The following NUMB variants were observed in gnomAD, a reference collection of about 807,000 sequenced individuals.
NUMB encodes NUMB endocytic adaptor protein.
NUMB carries 29 observed loss-of-function variants against 59.7 expected under a neutral mutation model. The ratio of observed to expected loss-of-function variants is 0.49; its 90% CI spans 0.36 to 0.66. NUMB has a LOEUF of 0.66. NUMB is among the 30% of genes least tolerant of loss of function. NUMB has a pLI of 0.00. For missense variants in NUMB, 723 were observed against 822.0 expected (o/e 0.88, Z 1.47); for synonymous variants, 288 against 288.2 (o/e 1.00, Z 0.01).
intron 9 of NUMB, among the ~76,000 whole-genome samples, chr14:73,285,955 A>G (rs1888966661): frequency 6.6e-6 from 1 of 151,446 alleles, no homozygotes; most frequent in African/African-American, 2.4e-5. Context: ...AAATCAAACC[A>G]AAACAACAAC....
intron 2 of NUMB, among the ~76,000 whole-genome samples, chr14:73,406,923 C>T (rs1037758006): frequency 1.3e-5 from 2 of 152,100 alleles, no homozygotes; most frequent in Non-Finnish European, 2.9e-5. Flanking sequence ...TATCCTTCGC[C>T]CACTTTTTGA....
At chr14:73,393,971 A>G (rs1478674702) in intron 2 of NUMB, among the ~76,000 whole-genome samples, 1 of 152,198 alleles carries the variant, frequency 6.6e-6, no homozygotes, top group African/African-American at 2.4e-5. Context: ...AATAAAAATT[A>G]TTATTCTTTT....
intron 2 of NUMB, among the ~76,000 whole-genome samples, chr14:73,400,540 G>C (rs1000351142): frequency 1.8e-4 from 28 of 152,152 alleles, no homozygotes; most frequent in African/African-American, 6.8e-4. Flanking sequence ...CACCTCTGGA[G>C]TGATGAGTAT....
chr14:73,293,603 G>C (rs527304111), intron 7 of NUMB, among the ~76,000 whole-genome samples: 14 of 152,210 alleles, frequency 9.2e-5, no homozygotes, highest in Admixed American at 5.9e-4. Context: ...GTGTTAGCCA[G>C]GACGGTCTCA....
At chr14:73,324,614 G>GC (rs900685980) in intron 4 of NUMB, among the ~76,000 whole-genome samples, 4 of 147,408 alleles carry the variant, frequency 2.7e-5, no homozygotes, top group African/African-American at 7.5e-5. Flanking sequence ...AACTAACAAA[G>GC]TTTTTTTTTT....
At chr14:73,445,575 A>G (rs889952364) in intron 1 of NUMB, among the ~76,000 whole-genome samples, 4 of 152,092 alleles carry the variant, frequency 2.6e-5, no homozygotes, top group African/African-American at 9.7e-5. Context: ...CAAATAACAC[A>G]GAGAAAGTTT....
chr14:73,431,349 G>A (rs779943642), intron 1 of NUMB, among the ~76,000 whole-genome samples: 8 of 149,418 alleles, frequency 5.4e-5, no homozygotes, highest in African/African-American at 1.2e-4. Flanking sequence ...TCTGCCTCCC[G>A]CATTCAAGCA....
At chr14:73,308,324 T>G (rs1890579584) in intron 6 of NUMB, among the ~76,000 whole-genome samples, 1 of 152,110 alleles carries the variant, frequency 6.6e-6, no homozygotes, top group Non-Finnish European at 1.5e-5. Context: ...AGAGATGCTG[T>G]ATATTGAGAC....
intron 6 of NUMB, among the ~76,000 whole-genome samples, chr14:73,306,738 T>C (rs1164947354): frequency 6.6e-6 from 1 of 152,228 alleles, no homozygotes. Flanking sequence ...GGAGCACCTG[T>C]TACTGTCACA....
At chr14:73,445,840 G>T (rs1307039227) in intron 1 of NUMB, among the ~76,000 whole-genome samples, 1 of 152,080 alleles carries the variant, frequency 6.6e-6, no homozygotes, top group East Asian at 1.9e-4. Flanking sequence ...CCTCCTATTA[G>T]TTCACGTCAT....
chr14:73,413,450 G>A (rs1210628321), intron 1 of NUMB, among the ~76,000 whole-genome samples: 1 of 151,654 alleles, frequency 6.6e-6, no homozygotes, highest in Non-Finnish European at 1.5e-5. Context: ...TGCTTCTAAT[G>A]ATTTGATTCT....
At chr14:73,382,482 T>A (rs769443019) in intron 2 of NUMB, among the ~76,000 whole-genome samples, 3 of 150,384 alleles carry the variant, frequency 2.0e-5, no homozygotes, top group Non-Finnish European at 4.4e-5. Context: ...CTTTAGGTAG[T>A]CTCACAGAAA....
chr14:73,287,316 T>TG lies in NUMB; in HGVS notation c.451-3dup. On this transcript the variant is annotated splice_region_variant and splice_polypyrimidine_tract_variant and intron_variant, in intron 8 of 12. Coordinates refer to ENST00000555238, the MANE Select transcript of NUMB (RefSeq NM_001005743.2). ...TACTGCATGGCTCAACCTTTCACCC[T>TG]GTAAGAGCAGATTTTAAAAGCTTTT... The TG allele has an allele frequency of 4.4e-6, 7 of 1,605,394 alleles. No homozygotes were observed. Among genetic ancestry groups the TG allele is most frequent in the Non-Finnish European group, 6.0e-6 (7 of 1,174,192 alleles).
chr14:73,425,530 C>G (rs918955257), intron 1 of NUMB, among the ~76,000 whole-genome samples: 2 of 152,006 alleles, frequency 1.3e-5, no homozygotes, highest in African/African-American at 4.8e-5. Context: ...AAATGTCTCA[C>G]CCAAGTGCCT....
chr14:73,355,392 A>G (rs571317642), intron 4 of NUMB, among the ~76,000 whole-genome samples: 1 of 152,332 alleles, frequency 6.6e-6, no homozygotes, highest in Non-Finnish European at 1.5e-5. Flanking sequence ...CTGACTCCAC[A>G]TTATATAGAG....
At chr14:73,279,614 T>G (rs1221778332) in intron 11 of NUMB, among the ~76,000 whole-genome samples, 190 bp from the exon 12 acceptor site, 1 of 152,220 alleles carries the variant, frequency 6.6e-6, no homozygotes, top group African/African-American at 2.4e-5. Context: ...CAATCAGAGA[T>G]TGTAATTTTT....
At chr14:73,331,705 T>C (rs1205495467) in intron 4 of NUMB, among the ~76,000 whole-genome samples, 1 of 152,210 alleles carries the variant, frequency 6.6e-6, no homozygotes, top group East Asian at 1.9e-4. Flanking sequence ...CATGCTGTTC[T>C]TGGGATAATC....
chr14:73,341,618 G>A (rs1414457645), intron 4 of NUMB, among the ~76,000 whole-genome samples: 1 of 152,072 alleles, frequency 6.6e-6, no homozygotes, highest in African/African-American at 2.4e-5. Context: ...AGTACAGGTA[G>A]GATCACAGAC....
intron 4 of NUMB, among the ~76,000 whole-genome samples, chr14:73,323,864 G>A (rs1301702166): frequency 6.6e-6 from 1 of 152,142 alleles, no homozygotes; most frequent in East Asian, 1.9e-4. Context: ...GTGTGGAATA[G>A]GATAACTATG....
Sources: allele counts gnomAD v4.1 joint callset (sites outside exome capture counted in the v4.1 genomes callset), GRCh38; gene constraint gnomAD v4.1.1; transcripts MANE v1.5; gene names NCBI Gene and HGNC (gene_info 2026-07-23, HGNC 2026-07-21).